The following ETV1 variants were observed in gnomAD, a reference collection of about 807,000 sequenced individuals.
ETV1 encodes ETS variant transcription factor 1.
ETV1 carries 27 observed loss-of-function variants against 62.3 expected under a neutral mutation model. That is an observed-to-expected ratio of 0.43 (90% CI 0.32 to 0.60). The LOEUF is 0.60. Ranked by LOEUF, ETV1 falls within the 20% of genes least tolerant of loss-of-function variation. The pLI is 0.06. For missense variants in ETV1, 605 were observed against 605.8 expected, an observed-to-expected ratio of 1.00 and a Z score of 0.01; for synonymous variants, 222 against 199.6, an observed-to-expected ratio of 1.11 and a Z score of -0.94.
At chr7:13,987,301 T>C (rs1399347918) in intron 4 of ETV1, among the ~76,000 whole-genome samples, 1 of 151,998 alleles carries the variant, frequency 6.6e-6, no homozygotes, top group African/African-American at 2.4e-5. Context: ...TATATGGTCA[T>C]GTTAGGGAGG....
At chr7:13,926,183 CT>C (rs1481009299) in intron 9 of ETV1, among the ~76,000 whole-genome samples, 1 of 152,168 alleles carries the variant, frequency 6.6e-6, no homozygotes, top group Non-Finnish European at 1.5e-5. Context: ...TTCTGTCTCT[CT>C]CAAACATTCA....
At chr7:13,933,286 C>CA in intron 8 of ETV1, among the ~76,000 whole-genome samples, 1 of 152,286 alleles carries the variant, frequency 6.6e-6, no homozygotes, top group East Asian at 1.9e-4. Context: ...ATGTATATAT[C>CA]AAACACGCAT....
At position 13,892,851 on chromosome 7, in the gene ETV1, A is replaced by G. The variant is rs1781472942; in HGVS notation, c.*3015T>C. On this transcript the variant is annotated 3_prime_UTR_variant, in exon 14 of 14. Transcript: ENST00000430479. Reference sequence around the variant, plus strand: ...GAAGAATCTCCCCTGGAGCCTCCAGAAGGAACCAGACCTAAGGACATCTTG... The same window carrying G: ...GAAGAATCTCCCCTGGAGCCTCCAGGAGGAACCAGACCTAAGGACATCTTG... 4.3e-6 allele frequency: 1 copy of G among 232,344 alleles called. No homozygotes were observed. The highest frequency in any genetic ancestry group is 6.1e-5 in the East Asian group (1 of 16,440). 14.4% of individuals were successfully genotyped at this position (232,344 alleles called of 1,614,324 possible). A position where few individuals can be genotyped will look rare whatever the true frequency, so the allele number is the denominator to read the frequency against.
At chr7:13,917,288 GTATTTATTTATTTATT>G (rs71548060) in intron 9 of ETV1, among the ~76,000 whole-genome samples, 47 of 145,256 alleles carry the variant, frequency 3.2e-4, no homozygotes, top group East Asian at 8.0e-4. Flanking sequence ...GTAACTTTGA[GTATTTATTTATTTATT>G]TATTTATTTA....
At position 13,898,261 on chromosome 7, in the gene ETV1, A is replaced by T. The variant is rs570496061; in HGVS notation, c.1213-2174T>A. Among the ~76,000 whole-genome samples the T allele has an allele frequency of 9.2e-5, 14 of 152,336 alleles. No homozygotes were observed. The South Asian group carries it at 2.9e-3, about 32-fold the overall frequency. On this transcript the variant is annotated intron_variant, in intron 13 of 13. Coordinates refer to ENST00000430479, the MANE Select transcript of ETV1 (RefSeq NM_004956.5). ...AGACAGAAAAAACAGGAATTTTTCC[A>T]GGGAGATAAATCAAAAGTAAACAAG...
chr7:13,960,771 G>C (rs906872170), intron 6 of ETV1, among the ~76,000 whole-genome samples: 2 of 152,002 alleles, frequency 1.3e-5, no homozygotes, highest in African/African-American at 4.8e-5. Flanking sequence ...CTTATATTTA[G>C]CATGCAGAAT....
intron 5 of ETV1, 55 bp downstream of exon 5, chr7:13,986,581 CTT>C: frequency 6.2e-7 from 1 of 1,605,616 alleles, no homozygotes; most frequent in South Asian, 1.1e-5. Context: ...TTCAGGACTT[CTT>C]TTCTTTCTCC....
At chr7:13,941,725 G>A (rs1307857968) in intron 6 of ETV1, among the ~76,000 whole-genome samples, 3 of 151,996 alleles carry the variant, frequency 2.0e-5, no homozygotes, top group Non-Finnish European at 2.9e-5. Flanking sequence ...ACAAAAATTA[G>A]CCAGGCATGG....
At chr7:13,975,286 C>T (rs1463379999) in intron 6 of ETV1, among the ~76,000 whole-genome samples, 3 of 152,072 alleles carry the variant, frequency 2.0e-5, no homozygotes, top group South Asian at 2.1e-4. Context: ...GGGGCTCACA[C>T]CTGTGATCCC....
intron 6 of ETV1, among the ~76,000 whole-genome samples, chr7:13,963,309 C>T (rs1024931386): frequency 2.0e-5 from 3 of 151,958 alleles, no homozygotes; most frequent in African/African-American, 7.2e-5. Flanking sequence ...AAAAAAGCCA[C>T]GGTAAGAATT....
chr7:13,954,866 C>G (rs1188895202), intron 6 of ETV1, among the ~76,000 whole-genome samples: 4 of 152,142 alleles, frequency 2.6e-5, no homozygotes, highest in Admixed American at 2.6e-4. Flanking sequence ...GTTCTGAATA[C>G]CAGAGCTAGG....
rs1024511433 is a variant in ETV1, at chr7:13,894,639, C to A, written c.*1227G>T. 4.3e-6 allele frequency: 1 copy of A among 232,332 alleles called. No homozygotes were observed. The highest frequency in any genetic ancestry group is 2.2e-5 in the African/African-American group (1 of 45,276). The allele number at this position is 232,332 out of a possible 1,614,324, so 14.4% of individuals were successfully genotyped here. A position where few individuals can be genotyped will look rare whatever the true frequency, so the allele number is the denominator to read the frequency against. On this transcript the variant is annotated 3_prime_UTR_variant, in exon 14 of 14. Coordinates refer to ENST00000430479, the MANE Select transcript of ETV1 (RefSeq NM_004956.5). Reference sequence around the variant, plus strand: ...AGCATGGCGTAAGCTATTTTTTAAGCAATAAATGGTTTGAGTCATCTATTT... The same window carrying A: ...AGCATGGCGTAAGCTATTTTTTAAGAAATAAATGGTTTGAGTCATCTATTT...
At chr7:13,946,828 T>A (rs1263310331) in intron 6 of ETV1, among the ~76,000 whole-genome samples, 2 of 152,158 alleles carry the variant, frequency 1.3e-5, no homozygotes, top group African/African-American at 2.4e-5. Context: ...TCACTCTGTC[T>A]CCCAGGCTGG....
At chr7:13,938,607 C>T (rs1787089876) in intron 7 of ETV1, among the ~76,000 whole-genome samples, 1 of 152,150 alleles carries the variant, frequency 6.6e-6, no homozygotes, top group Admixed American at 6.5e-5. Context: ...ACTGCACCAC[C>T]CTTTATTATC....
At chr7:13,962,774 A>G (rs1346947827) in intron 6 of ETV1, among the ~76,000 whole-genome samples, 1 of 152,152 alleles carries the variant, frequency 6.6e-6, no homozygotes, top group Non-Finnish European at 1.5e-5. Flanking sequence ...TGCTTTCCAT[A>G]TACGTATTAG....
intron 9 of ETV1, among the ~76,000 whole-genome samples, chr7:13,919,601 C>A (rs913357326): frequency 1.5e-5 from 2 of 132,352 alleles, no homozygotes; most frequent in African/African-American, 2.9e-5. Context: ...CACACACACA[C>A]AAAATAAGAA....
intron 5 of ETV1, among the ~76,000 whole-genome samples, chr7:13,982,595 CA>C (rs1396210765): frequency 2.0e-5 from 3 of 151,968 alleles, no homozygotes; most frequent in Non-Finnish European, 2.9e-5. Context: ...TCTAGCACAT[CA>C]AAAAGAGGGG....
At chr7:13,936,010 A>T (rs1208690772) in intron 7 of ETV1, 114 bp from the exon 8 acceptor site, 1 of 818,090 alleles carries the variant, frequency 1.2e-6, no homozygotes, top group African/African-American at 1.7e-5. Flanking sequence ...ATGGAAATGA[A>T]AACTTTGTTG....
intron 6 of ETV1, among the ~76,000 whole-genome samples, chr7:13,962,097 A>T (rs922338678): frequency 1.3e-5 from 2 of 151,986 alleles, no homozygotes; most frequent in Non-Finnish European, 2.9e-5. Flanking sequence ...ATTTTTGTAT[A>T]TACAGAATAA....
Sources: allele counts gnomAD v4.1 joint callset (sites outside exome capture counted in the v4.1 genomes callset), GRCh38; gene constraint gnomAD v4.1.1; transcripts MANE v1.5; gene names NCBI Gene and HGNC (gene_info 2026-07-23, HGNC 2026-07-21).